Variants in RBFOX1 observed in about 807,000 individuals in gnomAD.
RBFOX1 encodes the protein RNA binding fox-1 homolog 1.
RBFOX1 carries 8 observed loss-of-function variants against 57.7 expected under a neutral mutation model. The ratio of observed to expected loss-of-function variants is 0.14; its 90% CI spans 0.08 to 0.25. RBFOX1 has a LOEUF of 0.25. Among genes scored for constraint, RBFOX1 ranks in the 10% least tolerant of loss-of-function variants. The probability of loss-of-function intolerance (pLI) is 1.00; values close to 1 mark genes in which losing one functional copy is unlikely to be tolerated. For missense variants in RBFOX1, 611 were observed against 548.5 expected (o/e 1.11, Z -1.14); for synonymous variants, 326 against 222.4 (o/e 1.47, Z -4.15).
At chr16:6,781,469 C>T (rs1179034191) in intron 3 of RBFOX1, among the ~76,000 whole-genome samples, 2 of 152,032 alleles carry the variant, frequency 1.3e-5, no homozygotes, top group Non-Finnish European at 2.9e-5. Flanking sequence ...TTGTCTACTC[C>T]TTGATTTTTT....
At chr16:7,429,059 G>C (rs1473863982) in intron 4 of RBFOX1, among the ~76,000 whole-genome samples, 1 of 152,186 alleles carries the variant, frequency 6.6e-6, no homozygotes, top group Non-Finnish European at 1.5e-5. Context: ...GACCTGTCTT[G>C]TGGAAATGAA....
At chr16:6,153,529 A>G (rs2096815525) in intron 1 of RBFOX1, among the ~76,000 whole-genome samples, 2 of 151,248 alleles carry the variant, frequency 1.3e-5, no homozygotes, top group South Asian at 2.1e-4. Flanking sequence ...CCCAAAGTCC[A>G]TTGTACGTTT....
intron 4 of RBFOX1, among the ~76,000 whole-genome samples, chr16:5,981,786 G>A (rs2060179079): frequency 6.6e-6 from 1 of 152,098 alleles, no homozygotes; most frequent in South Asian, 2.1e-4. Context: ...GTTTTAAAAC[G>A]GTGGTCCTCA....
intron 1 of RBFOX1, among the ~76,000 whole-genome samples, chr16:5,416,591 C>G (rs146106648): frequency 1.0e-3 from 157 of 152,192 alleles, no homozygotes; most frequent in African/African-American, 3.6e-3. Flanking sequence ...TTTCTTATGG[C>G]ACTTTAAAGA....
At chr16:6,977,606 G>T (rs2087397119) in intron 3 of RBFOX1, among the ~76,000 whole-genome samples, 1 of 152,074 alleles carries the variant, frequency 6.6e-6, no homozygotes, top group South Asian at 2.1e-4. Context: ...GATTTCTGTG[G>T]ACTCCAAGCT....
intron 2 of RBFOX1, among the ~76,000 whole-genome samples, chr16:5,482,019 C>G (rs569471318): frequency 2.4e-4 from 36 of 152,324 alleles, no homozygotes; most frequent in African/African-American, 7.7e-4. Context: ...TGGAGGGATA[C>G]AGTTCAGCCC....
At chr16:7,026,501 C>T (rs2040981606) in intron 3 of RBFOX1, among the ~76,000 whole-genome samples, 2 of 151,954 alleles carry the variant, frequency 1.3e-5, no homozygotes, top group Admixed American at 6.6e-5. Flanking sequence ...CTCTTTTCTT[C>T]TTCTCTCTGT....
chr16:7,413,166 C>A (rs1597809052), intron 4 of RBFOX1, among the ~76,000 whole-genome samples: 1 of 152,162 alleles, frequency 6.6e-6, no homozygotes, highest in East Asian at 1.9e-4. Flanking sequence ...TCCCTGATGA[C>A]AATTCCTTTC....
intron 3 of RBFOX1, among the ~76,000 whole-genome samples, chr16:6,787,989 G>A (rs1165446504): frequency 3.5e-4 from 48 of 136,080 alleles, no homozygotes; most frequent in African/African-American, 9.0e-4. Flanking sequence ...TTGGGAGTCC[G>A]AGGTGGGGGG....
chr16:6,953,356 A>G (rs959578972), intron 3 of RBFOX1, among the ~76,000 whole-genome samples: 30 of 147,794 alleles, frequency 2.0e-4, no homozygotes, highest in South Asian at 6.6e-4. Flanking sequence ...AGAGATCACA[A>G]TGTTTCCCAT....
intron 1 of RBFOX1, among the ~76,000 whole-genome samples, chr16:6,036,126 C>G (rs2095362250): frequency 6.6e-6 from 1 of 152,164 alleles, no homozygotes; most frequent in Non-Finnish European, 1.5e-5. Context: ...ACACAAAACG[C>G]TTTGTGTACA....
intron 3 of RBFOX1, among the ~76,000 whole-genome samples, chr16:6,701,880 T>A (rs931168766): frequency 3.3e-5 from 5 of 152,080 alleles, no homozygotes; most frequent in Admixed American, 2.0e-4. Flanking sequence ...TTCTCACTTA[T>A]AAATGCGATC....
intron 1 of RBFOX1, among the ~76,000 whole-genome samples, chr16:6,051,181 T>C (rs1181455829): frequency 6.6e-6 from 1 of 151,682 alleles, no homozygotes; most frequent in Non-Finnish European, 1.5e-5. Flanking sequence ...TATTTCAGGA[T>C]CATAACCTGG....
At chr16:5,278,945 T>G (rs2063205870) in intron 1 of RBFOX1, among the ~76,000 whole-genome samples, 1 of 152,208 alleles carries the variant, frequency 6.6e-6, no homozygotes, top group African/African-American at 2.4e-5. Flanking sequence ...TTCCTTTGTT[T>G]TTGTGTCTGT....
intron 3 of RBFOX1, among the ~76,000 whole-genome samples, chr16:6,989,964 G>A (rs1212277586): frequency 6.6e-6 from 1 of 152,100 alleles, no homozygotes; most frequent in African/African-American, 2.4e-5. Context: ...CCGCACCACC[G>A]CACTCCAGCC....
At chr16:6,462,809 C>G (rs965770652) in intron 2 of RBFOX1, among the ~76,000 whole-genome samples, 1 of 150,472 alleles carries the variant, frequency 6.6e-6, no homozygotes, top group South Asian at 2.1e-4. Context: ...TGAGTATACA[C>G]ATGGCACATT....
chr16:7,587,376 A>G, intron 7 of RBFOX1, 76 bp downstream of exon 7: 1 of 1,389,198 alleles, frequency 7.2e-7, no homozygotes, highest in Non-Finnish European at 9.5e-7. Context: ...AAACAACTGC[A>G]CTGTCTTAAT....
At chr16:6,804,592 G>T (rs559081089) in intron 3 of RBFOX1, among the ~76,000 whole-genome samples, 2 of 152,134 alleles carry the variant, frequency 1.3e-5, no homozygotes, top group Non-Finnish European at 2.9e-5. Flanking sequence ...AGATTGATTG[G>T]ATTAATATCA....
intron 4 of RBFOX1, among the ~76,000 whole-genome samples, chr16:7,450,300 A>T (rs1353134293): frequency 2.0e-5 from 3 of 146,614 alleles, no homozygotes; most frequent in Non-Finnish European, 4.5e-5. Flanking sequence ...AGGCTGAGGC[A>T]GGAGAATTGC....
Sources: gnomAD v4.1 joint callset for allele counts (sites outside exome capture counted in the v4.1 genomes callset) on GRCh38, gnomAD v4.1.1 for gene constraint, MANE v1.5 for transcripts, NCBI Gene and HGNC (gene_info 2026-07-23, HGNC 2026-07-21) for gene names.